Variants in DNM2 observed in about 807,000 individuals in gnomAD.
The protein encoded by DNM2 is dynamin 2.
Under a neutral mutation model 99.0 loss-of-function variants are expected in DNM2, and 15 were observed. The observed-to-expected ratio is 0.15, with a 90% CI of 0.10 to 0.23. The LOEUF (loss-of-function observed/expected upper bound fraction) is 0.23. Among genes scored for constraint, DNM2 ranks in the 10% least tolerant of loss-of-function variants. DNM2 has a pLI of 1.00. For synonymous variants in DNM2, 525 were observed against 481.2 expected, an observed-to-expected ratio of 1.09 and a Z score of -1.19; for missense variants, 742 against 1,189.4, an observed-to-expected ratio of 0.62 and a Z score of 5.53.
chr19:10,773,422 C>T (rs1211660693), intron 3 of DNM2, among the ~76,000 whole-genome samples: 4 of 149,178 alleles, frequency 2.7e-5, no homozygotes, highest in African/African-American at 9.9e-5. Context: ...GCTGGGATTA[C>T]AGACGTGAGC....
Position 10,816,860 on chromosome 19 carries a change from T to C in DNM2, c.1672-3120T>C, listed in dbSNP as rs973347980. 7.9e-5 allele frequency among the ~76,000 whole-genome samples: 12 copies of C among 152,150 alleles called. No homozygotes were observed. The highest frequency in any genetic ancestry group is 5.9e-4 in the Admixed American group (9 of 15,280). On this transcript the variant is annotated intron_variant, in intron 15 of 20. Coordinates refer to ENST00000389253, the MANE Select transcript of DNM2 (RefSeq NM_001005361.3). This position sits in a 1 kb window ranked among gnomAD's most constrained non-coding sequence, Gnocchi z 4.6. ...TCCTTCACGTGAGGGGCCCTTCGTG[T>C]TTTTCTCATCTGAGAGTTGAAAGCC...
rs964565585 is a variant in DNM2, at chr19:10,812,582, T to C, written c.1671+205T>C. Among the ~76,000 whole-genome samples the C allele has an allele frequency of 2.6e-5, 4 of 151,546 alleles. No homozygotes were observed. Among genetic ancestry groups the C allele is most frequent in the Admixed American group, 6.6e-5 (1 of 15,212 alleles). On this transcript the variant is annotated intron_variant, in intron 15 of 20. Transcript: ENST00000389253. The surrounding 1 kb of genome is among the most constrained non-coding windows in gnomAD (Gnocchi z 4.0). ...GGCAGGTAGATCACGAGGTCGGGAG[T>C]TTGAGACCAGCCTGGCCAACATGAT...
intron 1 of DNM2, among the ~76,000 whole-genome samples, chr19:10,723,477 A>AGGAGTT (rs2069010440): frequency 6.6e-6 from 1 of 152,122 alleles, no homozygotes; most frequent in African/African-American, 2.4e-5. Context: ...CATGTTGGCC[A>AGGAGTT]GGCTGGTTCC....
At chr19:10,734,385 A>G (rs545905942) in intron 1 of DNM2, among the ~76,000 whole-genome samples, 1 of 150,832 alleles carries the variant, frequency 6.6e-6, no homozygotes, top group Non-Finnish European at 1.5e-5. Flanking sequence ...ACAGTGGCTC[A>G]CACCTGTAAT....
chr19:10,801,780 C>T (rs983583700), intron 11 of DNM2, among the ~76,000 whole-genome samples: 2 of 151,430 alleles, frequency 1.3e-5, no homozygotes, highest in Admixed American at 1.3e-4. Context: ...TGGCAGGCAC[C>T]TGTAATCCCA....
intron 2 of DNM2, among the ~76,000 whole-genome samples, chr19:10,771,494 C>G (rs946813652): frequency 6.6e-6 from 1 of 152,002 alleles, no homozygotes; most frequent in Non-Finnish European, 1.5e-5. Context: ...AAGAAAGACT[C>G]AAGACCAGCT....
In DNM2 at chr19:10,752,689, C is replaced by G. The variant is rs183509580; in HGVS notation, c.162-7049C>G. On this transcript the variant is annotated intron_variant, in intron 1 of 20. Transcript: ENST00000389253. ...ATGCTGTGTGACCCTGGGCAGGCCC[C>G]CACCCTCTGGGCCTCATTTGCATCT... 4.6e-5 allele frequency among the ~76,000 whole-genome samples: 7 copies of G among 152,356 alleles called. No individual in the cohort carries two copies. In the East Asian group the frequency reaches 1.2e-3, roughly 25 times the overall value.
At chr19:10,752,685 GC>G (rs960833260) in intron 1 of DNM2, among the ~76,000 whole-genome samples, 4 of 152,202 alleles carry the variant, frequency 2.6e-5, no homozygotes, top group African/African-American at 9.7e-5. Context: ...CCCTGGGCAG[GC>G]CCCCACCCTC....
Position 10,775,797 on chromosome 19 carries a change from C to T in DNM2, c.480C>T (p.Ile160=), listed in dbSNP as rs140036663. Residue 160 remains isoleucine, a synonymous_variant, in exon 4 of 21, where the codon ATC becomes ATT. Transcript: ENST00000389253. This position sits in a 1 kb window ranked among gnomAD's most constrained non-coding sequence, Gnocchi z 4.3. ...PDIEYQIKDM[I]LQFISRESSL... ...TCGAGTACCAGATCAAGGACATGAT[C>T]CTGCAGTTCATCAGCCGGGAGAGCA... 1.9e-4 allele frequency: 310 copies of T among 1,614,070 alleles called. No individual in the cohort carries two copies. The highest frequency in any genetic ancestry group is 8.2e-4 in the Middle Eastern group (5 of 6,084).
rs567271157 is a variant in DNM2 at position 10,738,267 on chromosome 19, A to G, written c.161+19864A>G. 5.9e-5 allele frequency among the ~76,000 whole-genome samples: 9 copies of G among 152,194 alleles called. No homozygotes were observed. In the South Asian group the frequency reaches 1.7e-3, roughly 28 times the overall value. On this transcript the variant is annotated intron_variant, in intron 1 of 20. Transcript: ENST00000389253. ...AGCGAGACTCCATCTCAAAAAATAA[A>G]TAAATAAATAAATAAATAAAAAGGA...
Position 10,812,658 on chromosome 19 carries a change from G to A in DNM2, c.1671+281G>A, listed in dbSNP as rs754693416. Among the ~76,000 whole-genome samples, 12 of 152,132 alleles carry A rather than the reference G, an allele frequency of 7.9e-5. No homozygotes were observed. The highest frequency in any genetic ancestry group is 1.9e-4 in the East Asian group (1 of 5,190). On this transcript the variant is annotated intron_variant, in intron 15 of 20. Transcript: ENST00000389253. The surrounding 1 kb of genome is among the most constrained non-coding windows in gnomAD (Gnocchi z 4.0). ...AAAAATTAGCCAGGAGTGGTGGCAC[G>A]CGCCTGTAATCCCAGCTACTCAGGA... is the stretch of plus-strand genomic sequence containing the variant.
chr19:10,730,064 A>G (rs771224566), intron 1 of DNM2, among the ~76,000 whole-genome samples: 55 of 152,188 alleles, frequency 3.6e-4, no homozygotes, highest in African/African-American at 7.5e-4. Flanking sequence ...GGGTTTCTCT[A>G]TGTTGCCAAG....
chr19:10,727,283 T>C (rs2069145852), intron 1 of DNM2, among the ~76,000 whole-genome samples: 1 of 152,170 alleles, frequency 6.6e-6, no homozygotes, highest in Admixed American at 6.6e-5. Context: ...GGTAATAACC[T>C]GGATTGTTTC....
chr19:10,761,001 A>T (rs1018410424), intron 2 of DNM2, among the ~76,000 whole-genome samples: 5 of 150,636 alleles, frequency 3.3e-5, no homozygotes, highest in African/African-American at 9.8e-5. Flanking sequence ...TTATTTATTT[A>T]TTTTTTGAGA....
chr19:10,781,018 T>TAA (rs5827115), intron 5 of DNM2, among the ~76,000 whole-genome samples: 27,882 of 114,234 alleles, frequency 0.24, 3,865 homozygotes, highest in Non-Finnish European at 0.33. Flanking sequence ...ACTCTGTCTT[T>TAA]AAAAAAAAAA....
chr19:10,773,615 AT>A (rs1055697230), intron 3 of DNM2, among the ~76,000 whole-genome samples: 6 of 149,386 alleles, frequency 4.0e-5, no homozygotes, highest in Admixed American at 6.7e-5. Flanking sequence ...TGCCTGGCTA[AT>A]TTTTTTTTTA....
intron 1 of DNM2, among the ~76,000 whole-genome samples, chr19:10,748,863 G>A (rs1053693231): frequency 9.9e-5 from 15 of 152,180 alleles, no homozygotes; most frequent in African/African-American, 3.1e-4. Flanking sequence ...GGTGGCCAGC[G>A]TTCCTTGTGT....
chr19:10,814,779 A>T (rs995730400), intron 15 of DNM2, among the ~76,000 whole-genome samples: 2 of 151,948 alleles, frequency 1.3e-5, no homozygotes, highest in Non-Finnish European at 2.9e-5. Flanking sequence ...AGTTCCATTC[A>T]TGTTGCTGCA....
chr19:10,719,654 C>T (rs2068872435), intron 1 of DNM2, among the ~76,000 whole-genome samples: 1 of 152,222 alleles, frequency 6.6e-6, no homozygotes, highest in South Asian at 2.1e-4. Context: ...CCAGGAACTA[C>T]TCATTTGTGG....
Sources: gnomAD v4.1 joint callset for allele counts (sites outside exome capture counted in the v4.1 genomes callset) on GRCh38, gnomAD v4.1.1 for gene constraint, Gnocchi (gnomAD v3.1) non-coding constraint, MANE v1.5 for transcripts, NCBI Gene and HGNC (gene_info 2026-07-23, HGNC 2026-07-21) for gene names.